The following ALKBH3 variants were observed in gnomAD, a reference collection of about 807,000 sequenced individuals.
ALKBH3 encodes alkB homolog 3, alpha-ketoglutarate dependent dioxygenase, also known as alpha-ketoglutarate-dependent dioxygenase alkB homolog 3.
Under a neutral mutation model 43.9 loss-of-function variants are expected in ALKBH3, and 51 were observed. The observed-to-expected ratio is 1.16, with a 90% CI of 0.93 to 1.47. The LOEUF (loss-of-function observed/expected upper bound fraction) is 1.47. ALKBH3 is among the 40% of genes most tolerant of loss of function. The pLI is 0.00. For synonymous variants in ALKBH3, 102 were observed against 115.2 expected, an observed-to-expected ratio of 0.89 and a Z score of 0.73; for missense variants, 361 against 351.9, an observed-to-expected ratio of 1.03 and a Z score of -0.21.
chr11:43,896,485 C>A (rs1848884597), intron 7 of ALKBH3, among the ~76,000 whole-genome samples: 1 of 152,166 alleles, frequency 6.6e-6, no homozygotes, highest in Non-Finnish European at 1.5e-5. Context: ...GGAGGCTAGA[C>A]AAGTCTCTCC....
intron 4 of ALKBH3, among the ~76,000 whole-genome samples, 166 bp from the exon 5 acceptor site, chr11:43,886,440 T>C (rs749654632): frequency 3.3e-5 from 5 of 152,218 alleles, no homozygotes; most frequent in African/African-American, 4.8e-5. Flanking sequence ...ATTAATGATA[T>C]ACCATGATCT....
Position 43,890,632 on chromosome 11 carries a change from G to A in ALKBH3, c.370+804G>A, listed in dbSNP as rs12422051. Among the ~76,000 whole-genome samples the A allele has an allele frequency of 7.5e-3, 1,144 of 152,238 alleles. 25 individuals are homozygous for A. The highest frequency in any genetic ancestry group is 0.055 in the East Asian group (286 of 5,172). The stretch of plus-strand genomic sequence containing the variant: ...TGTAATCCCAGCACTTTGGGAGGCC[G>A]AGGCAGGTGGATCATGAGGTCAGGA... On this transcript the variant is annotated intron_variant, in intron 6 of 9. Transcript: ENST00000302708.
chr11:43,919,718 G>T, intron 9 of ALKBH3, 200 bp from the exon 10 acceptor site: 1 of 543,996 alleles, frequency 1.8e-6, no homozygotes, highest in Non-Finnish European at 3.3e-6. Context: ...CAGAGGTGCT[G>T]GCATAGCACA....
chr11:43,910,162 T>C (rs1565129155), intron 8 of ALKBH3: 1 of 152,220 alleles, frequency 6.6e-6, no homozygotes, highest in African/African-American at 2.4e-5. Flanking sequence ...CCTTTTCTTT[T>C]ACATTCAACC....
chr11:43,890,043 A>G (rs1951772306), intron 6 of ALKBH3, among the ~76,000 whole-genome samples: 2 of 152,196 alleles, frequency 1.3e-5, no homozygotes, highest in Non-Finnish European at 2.9e-5. Context: ...AGAACATGGC[A>G]GGAGGATAGA....
chr11:43,899,446 C>A, intron 7 of ALKBH3: 2 of 704,074 alleles, frequency 2.8e-6, no homozygotes, highest in South Asian at 1.4e-5. Context: ...TGATAGGCTC[C>A]GAGGATTTCA....
Position 43,889,764 on chromosome 11 carries a change from T to G in ALKBH3, c.306T>G (p.Ala102=). The G allele has an allele frequency of 6.2e-7, 1 of 1,614,110 alleles. No homozygotes were observed. Among genetic ancestry groups the G allele is most frequent in the Non-Finnish European group, 8.5e-7 (1 of 1,179,980 alleles). ...CTGGCTTTGTTGACGTGAAAGAAGC[T>G]GACTGGATATTGGAACAGCTTTGTC... ...LYPGFVDVKE[A]DWILEQLCQD... The change falls in exon 6 of 10, where the codon GCT becomes GCG. Residue 102 remains alanine, a synonymous_variant. Coordinates refer to ENST00000302708, the MANE Select transcript of ALKBH3 (RefSeq NM_139178.4).
At chr11:43,897,764 C>T (rs1428163261) in intron 7 of ALKBH3, 7 of 802,328 alleles carry the variant, frequency 8.7e-6, no homozygotes, top group East Asian at 7.3e-5. Context: ...AAACATTTTC[C>T]AATTGCTATA....
Position 43,883,070 on chromosome 11 carries a change from C to T in ALKBH3, c.80-15C>T, listed in dbSNP as rs749649925. Reference sequence around the variant, plus strand: ...ACTTTCCCCTGGTTTGAGGCTGTCCCCTCTCTTGCTTCAGCTACCACTGCT... The same window carrying T: ...ACTTTCCCCTGGTTTGAGGCTGTCCTCTCTCTTGCTTCAGCTACCACTGCT... On this transcript the variant is annotated splice_polypyrimidine_tract_variant and intron_variant, in intron 2 of 9. Transcript: ENST00000302708. The T allele has an allele frequency of 6.2e-7, 1 of 1,610,030 alleles. No individual in the cohort carries two copies. Among genetic ancestry groups the T allele is most frequent in the Non-Finnish European group, 8.5e-7 (1 of 1,176,698 alleles).
rs756790030 is a variant in ALKBH3 at position 43,889,708 on chromosome 11, G to A, written c.267-17G>A. On this transcript the variant is annotated splice_polypyrimidine_tract_variant and intron_variant, in intron 5 of 9. Coordinates refer to ENST00000302708, the MANE Select transcript of ALKBH3 (RefSeq NM_139178.4). The stretch of plus-strand genomic sequence containing the variant: ...TTTTCCATGTTTTTTGGTTAACAAT[G>A]TTCATTCTGCACCCAGGGTCTGTTT... 8 of 1,609,782 alleles carry A rather than the reference G, an allele frequency of 5.0e-6. No individual in the cohort carries two copies. Among genetic ancestry groups the A allele is most frequent in the Admixed American group, 1.7e-5 (1 of 59,882 alleles).
chr11:43,898,940 C>G (rs963429083), intron 7 of ALKBH3: 11 of 747,902 alleles, frequency 1.5e-5, no homozygotes, highest in Admixed American at 7.1e-5. Flanking sequence ...CCAAATCTCT[C>G]TACTGGACCA....
intron 1 of ALKBH3, among the ~76,000 whole-genome samples, chr11:43,882,049 C>T (rs1454039851): frequency 6.6e-6 from 1 of 152,104 alleles, no homozygotes; most frequent in Non-Finnish European, 1.5e-5. Flanking sequence ...TGAACTTTAC[C>T]GTCCACATAC....
intron 8 of ALKBH3, among the ~76,000 whole-genome samples, chr11:43,908,294 G>A (rs1951910556): frequency 6.6e-6 from 1 of 152,240 alleles, no homozygotes; most frequent in African/African-American, 2.4e-5. Context: ...GGGAAATCCA[G>A]AGGACACAGT....
At chr11:43,891,942 GTATTTCTCATA>G (rs973579182) in intron 6 of ALKBH3, 88 bp from the exon 7 acceptor site, 2 of 863,144 alleles carry the variant, frequency 2.3e-6, no homozygotes, top group African/African-American at 3.4e-5. Context: ...CTTTTCTTTT[GTATTTCTCATA>G]GCACATTGCA....
intron 5 of ALKBH3, 83 bp from the exon 6 acceptor site, chr11:43,889,642 C>T: frequency 8.4e-7 from 1 of 1,186,036 alleles, no homozygotes; most frequent in Non-Finnish European, 1.2e-6. Context: ...AGGCTGCATC[C>T]AGATTAACTG....
At position 43,883,989 on chromosome 11, in the gene ALKBH3, C is replaced by G. The variant is rs769039712; in HGVS notation, c.190C>G (p.Arg64Gly). 2 of 1,613,692 alleles carry G rather than the reference C, an allele frequency of 1.2e-6. No homozygotes were observed. Among genetic ancestry groups the G allele is most frequent in the Non-Finnish European group, 1.7e-6 (2 of 1,179,870 alleles). Residue 64 changes from arginine to glycine, a missense_variant, in exon 4 of 10, where the codon CGT becomes GGT. Physicochemically the swap from Arg to Gly is moderately radical, Grantham distance 125. Coordinates refer to ENST00000302708, the MANE Select transcript of ALKBH3 (RefSeq NM_139178.4). Reference sequence around the variant, plus strand: ...TCCGCCTATTTCCTTGCAGGTAGTACGTAGAGCTCCTGAGCCACGAGTGAT... The same window carrying G: ...TCCGCCTATTTCCTTGCAGGTAGTAGGTAGAGCTCCTGAGCCACGAGTGAT... ...FVFKEPQQVV[R>G]RAPEPRVIDR...
intron 8 of ALKBH3, among the ~76,000 whole-genome samples, chr11:43,903,175 GT>G (rs1167975731): frequency 6.6e-6 from 1 of 152,160 alleles, no homozygotes; most frequent in Admixed American, 6.5e-5. Context: ...AGTTGCCGGT[GT>G]TTTTTTAAGT....
At position 43,901,479 on chromosome 11, in the gene ALKBH3, C is replaced by CGACT. The variant is rs1829383932; in HGVS notation, c.460-35_460-32dup. 3 of 1,606,662 alleles carry CGACT rather than the reference C, an allele frequency of 1.9e-6. No homozygotes were observed. The African/African-American group carries it at 4.0e-5, about 21-fold the overall frequency. ...TGCGGCTGTCATTTTGTGTGTAATGCGACTGTCTTGCCCTTTTCTTGGTCT... is the reference window on the plus strand; with the variant it reads ...TGCGGCTGTCATTTTGTGTGTAATGCGACTGACTGTCTTGCCCTTTTCTTGGTCT... On this transcript the variant is annotated intron_variant, in intron 7 of 9. Transcript: ENST00000302708.
Position 43,920,108 on chromosome 11 carries a change from C to G in ALKBH3, c.*98C>G. 3 of 1,173,012 alleles carry G rather than the reference C, an allele frequency of 2.6e-6. No individual in the cohort carries two copies. Among genetic ancestry groups the G allele is most frequent in the Non-Finnish European group, 3.7e-6 (3 of 807,934 alleles). The allele number at this position is 1,173,012 out of a possible 1,614,324, so 72.7% of individuals were successfully genotyped here. A position where few individuals can be genotyped will look rare whatever the true frequency, so the allele number is the denominator to read the frequency against. On this transcript the variant is annotated 3_prime_UTR_variant, in exon 10 of 10. Transcript: ENST00000302708. ...GGTGCTGCTAGATCTCATGATGTGG[C>G]TGTTGGGAAGATGGTGGGGTTTGTT...
Sources: gnomAD v4.1 joint callset for allele counts (sites outside exome capture counted in the v4.1 genomes callset) on GRCh38, gnomAD v4.1.1 for gene constraint, MANE v1.5 for transcripts, NCBI Gene and HGNC (gene_info 2026-07-23, HGNC 2026-07-21) for gene names.